Variants in ELAVL2 observed in about 807,000 individuals in gnomAD.
The protein encoded by ELAVL2 is ELAV like RNA binding protein 2.
ELAVL2 carries 4 observed loss-of-function variants against 34.6 expected under a neutral mutation model. That is an observed-to-expected ratio of 0.12 (90% CI 0.06 to 0.26). ELAVL2 has a LOEUF of 0.26. ELAVL2 is among the 10% of genes least tolerant of loss of function. ELAVL2 has a pLI of 1.00. For synonymous variants in ELAVL2, 193 were observed against 154.8 expected (o/e 1.25, Z -1.83); for missense variants, 432 against 442.8 (o/e 0.98, Z 0.22).
intron 1 of ELAVL2, among the ~76,000 whole-genome samples, chr9:23,811,765 T>C (rs1393190935): frequency 6.6e-6 from 1 of 152,120 alleles, no homozygotes; most frequent in Non-Finnish European, 1.5e-5. Flanking sequence ...GGGACAACAG[T>C]GGAATTAAGA....
chr9:23,707,897 T>G (rs2039831700), intron 3 of ELAVL2, among the ~76,000 whole-genome samples: 1 of 152,214 alleles, frequency 6.6e-6, no homozygotes, highest in Non-Finnish European at 1.5e-5. Flanking sequence ...TAGAACAATT[T>G]ACTCATGCAG....
At chr9:23,811,226 G>A (rs1334156247) in intron 1 of ELAVL2, among the ~76,000 whole-genome samples, 1 of 151,442 alleles carries the variant, frequency 6.6e-6, no homozygotes, top group African/African-American at 2.4e-5. Context: ...CAAGAAACAA[G>A]AACACAAATT....
chr9:23,704,361 G>T (rs2038585423), intron 4 of ELAVL2, among the ~76,000 whole-genome samples: 1 of 152,066 alleles, frequency 6.6e-6, no homozygotes, highest in Non-Finnish European at 1.5e-5. Flanking sequence ...GAGTTTTAAT[G>T]AACATTTTAG....
chr9:23,835,161 A>G, the ELAVL2 span, among the ~76,000 whole-genome samples: 1 of 152,116 alleles, frequency 6.6e-6, no homozygotes, highest in Non-Finnish European at 1.5e-5. Flanking sequence ...AGTGTTTGGC[A>G]TTAAGTATAG....
At chr9:23,775,727 C>CCG (rs2058080776) in intron 1 of ELAVL2, among the ~76,000 whole-genome samples, 1 of 152,168 alleles carries the variant, frequency 6.6e-6, no homozygotes, top group East Asian at 1.9e-4. Flanking sequence ...CCCAGCACCC[C>CCG]CGCATCATAT....
At chr9:23,802,054 A>G (rs2061629260) in intron 1 of ELAVL2, among the ~76,000 whole-genome samples, 2 of 152,190 alleles carry the variant, frequency 1.3e-5, no homozygotes, top group East Asian at 3.9e-4. Flanking sequence ...GTGTTCCACA[A>G]TTGAAGAAAG....
intron 1 of ELAVL2, among the ~76,000 whole-genome samples, chr9:23,791,451 A>G (rs1193775165): frequency 6.6e-6 from 1 of 152,332 alleles, no homozygotes; most frequent in Middle Eastern, 3.4e-3. Flanking sequence ...CTCCAACGTG[A>G]CTATATTTGA....
At chr9:23,818,406 G>A (rs558553977) in intron 1 of ELAVL2, among the ~76,000 whole-genome samples, 1 of 152,202 alleles carries the variant, frequency 6.6e-6, no homozygotes, top group Non-Finnish European at 1.5e-5. Flanking sequence ...TGGGTAGGAT[G>A]TGCAACCATA....
intron 1 of ELAVL2, among the ~76,000 whole-genome samples, chr9:23,799,400 A>C (rs2061330161): frequency 6.6e-6 from 1 of 152,276 alleles, no homozygotes; most frequent in South Asian, 2.1e-4. Context: ...TATTTTCCTA[A>C]GGCACTCAGG....
chr9:23,747,113 G>T (rs755489127), intron 2 of ELAVL2, among the ~76,000 whole-genome samples: 2 of 151,862 alleles, frequency 1.3e-5, no homozygotes, highest in Non-Finnish European at 2.9e-5. Context: ...GACCCTCAGT[G>T]GATAACTGAA....
At chr9:23,699,475 T>C (rs2036392822) in intron 5 of ELAVL2, among the ~76,000 whole-genome samples, 1 of 152,170 alleles carries the variant, frequency 6.6e-6, no homozygotes, top group Non-Finnish European at 1.5e-5. Flanking sequence ...AACTTCACAA[T>C]GTTAAAAATC....
At chr9:23,720,954 C>T (rs1259552619) in intron 3 of ELAVL2, among the ~76,000 whole-genome samples, 1 of 152,184 alleles carries the variant, frequency 6.6e-6, no homozygotes, top group Non-Finnish European at 1.5e-5. Flanking sequence ...CCCCACCCCA[C>T]TGATCCTGAT....
upstream of ELAVL2, among the ~76,000 whole-genome samples, chr9:23,831,181 A>G (rs1024327707): frequency 6.6e-6 from 1 of 152,154 alleles, no homozygotes; most frequent in African/African-American, 2.4e-5. Context: ...TATATTGAAG[A>G]TTTATGTTTC....
At position 23,737,955 on chromosome 9, in the gene ELAVL2, A is replaced by T. The variant is rs561079981; in HGVS notation, c.230-6830T>A. Among the ~76,000 whole-genome samples, 9 of 152,324 alleles carry T rather than the reference A, an allele frequency of 5.9e-5. No homozygotes were observed. In the South Asian group the frequency reaches 1.9e-3, roughly 32 times the overall value. ...GCAAATAATTTGATTTGCAAAAACA[A>T]GTTTTCGTTACAAAGGGGGAAAATT... On this transcript the variant is annotated intron_variant, in intron 2 of 6. Transcript: ENST00000397312.
At chr9:23,829,107 G>A (rs143567567), upstream of ELAVL2, among the ~76,000 whole-genome samples, 1 of 152,290 alleles carries the variant, frequency 6.6e-6, no homozygotes, top group Admixed American at 6.5e-5. Flanking sequence ...ATATGATTAA[G>A]TTATATGAAC....
At chr9:23,772,953 C>T (rs181737365) in intron 1 of ELAVL2, among the ~76,000 whole-genome samples, 11 of 152,214 alleles carry the variant, frequency 7.2e-5, no homozygotes, top group Non-Finnish European at 1.2e-4. Flanking sequence ...CTTGCTCCCC[C>T]AAAGACAGCT....
intron 2 of ELAVL2, among the ~76,000 whole-genome samples, chr9:23,736,874 C>G (rs553716889): frequency 6.6e-6 from 1 of 152,120 alleles, no homozygotes; most frequent in African/African-American, 2.4e-5. Context: ...CTTCTACTTT[C>G]GCTCATCTTC....
intron 4 of ELAVL2, 49 bp from the exon 5 acceptor site, chr9:23,701,653 A>C (rs771624191): frequency 6.3e-7 from 1 of 1,576,058 alleles, no homozygotes. Context: ...CAGAAGGAGA[A>C]GGGAAGGAGA....
intron 1 of ELAVL2, among the ~76,000 whole-genome samples, chr9:23,801,279 G>A (rs980892074): frequency 6.6e-6 from 1 of 152,124 alleles, no homozygotes; most frequent in Non-Finnish European, 1.5e-5. Flanking sequence ...CTTAACTGCT[G>A]CTTTATTTCT....
Sources: gnomAD v4.1 joint callset for allele counts (sites outside exome capture counted in the v4.1 genomes callset) on GRCh38, gnomAD v4.1.1 for gene constraint, MANE v1.5 for transcripts, NCBI Gene and HGNC (gene_info 2026-07-23, HGNC 2026-07-21) for gene names.